ANKRD42: variants seen among roughly 807,000 people sequenced by gnomAD.
ANKRD42 encodes ankyrin repeat domain-containing protein 42.
In ANKRD42, 43 loss-of-function variants were observed where a neutral mutation model predicts 51.5. The ratio of observed to expected loss-of-function variants is 0.83; its 90% CI spans 0.65 to 1.08. ANKRD42 has a LOEUF of 1.08. Ranked by LOEUF, ANKRD42 falls within the 50% of genes least tolerant of loss-of-function variation. The probability of loss-of-function intolerance (pLI) is 0.00; values close to 1 mark genes in which losing one functional copy is unlikely to be tolerated. For synonymous variants in ANKRD42, 203 were observed against 213.0 expected (o/e 0.95, Z 0.41); for missense variants, 608 against 629.3 (o/e 0.97, Z 0.36).
At chr11:83,240,730 T>A in intron 8 of ANKRD42, 29 bp from the exon 9 acceptor site, 1 of 1,611,472 alleles carries the variant, frequency 6.2e-7, no homozygotes, top group Non-Finnish European at 8.5e-7. Context: ...AGATTGTGGA[T>A]CTGGTTAGTT....
chr11:83,198,768 T>A, intron 2 of ANKRD42, 126 bp downstream of exon 2: 1 of 865,448 alleles, frequency 1.2e-6, no homozygotes, highest in Non-Finnish European at 1.6e-6. Context: ...CATAGTCAGT[T>A]TAATATTTGG....
At chr11:83,243,997 A>G (rs113794771) in intron 9 of ANKRD42, among the ~76,000 whole-genome samples, 20,927 of 52,100 alleles carry the variant, frequency 0.4, 3,145 homozygotes, top group Middle Eastern at 0.44. Flanking sequence ...TTTTTTTTTT[A>G]TTGAGACAAA....
chr11:83,253,839 T>C (rs1283339237), downstream of ANKRD42, among the ~76,000 whole-genome samples: 3 of 152,250 alleles, frequency 2.0e-5, no homozygotes, highest in Non-Finnish European at 4.4e-5. Context: ...GCACATATTT[T>C]CTTTTGAAGT....
At chr11:83,263,821 T>A (rs1195546331), downstream of ANKRD42, among the ~76,000 whole-genome samples, 1 of 152,194 alleles carries the variant, frequency 6.6e-6, no homozygotes, top group Non-Finnish European at 1.5e-5. Flanking sequence ...AAAGAGTAAG[T>A]TCTGATTCCA....
intron 7 of ANKRD42, among the ~76,000 whole-genome samples, chr11:83,231,736 G>A (rs977996035): frequency 6.6e-6 from 1 of 152,202 alleles, no homozygotes; most frequent in African/African-American, 2.4e-5. Context: ...TGTATATGGT[G>A]AGAGATAGGG....
At chr11:83,241,143 G>T (rs573666572) in intron 9 of ANKRD42, among the ~76,000 whole-genome samples, 2 of 152,312 alleles carry the variant, frequency 1.3e-5, no homozygotes, top group East Asian at 3.9e-4. Flanking sequence ...CCCTCAGGGG[G>T]TGGAAAGTTA....
chr11:83,239,488 A>C (rs1863324030), intron 8 of ANKRD42, among the ~76,000 whole-genome samples: 4 of 152,156 alleles, frequency 2.6e-5, no homozygotes, highest in African/African-American at 9.6e-5. Context: ...AAGTCATAAA[A>C]ATTTTCTTTT....
downstream of ANKRD42, among the ~76,000 whole-genome samples, chr11:83,249,861 T>C (rs1406449318): frequency 6.6e-6 from 1 of 152,232 alleles, no homozygotes; most frequent in Non-Finnish European, 1.5e-5. Context: ...TGAGGAATAA[T>C]AATACCTACC....
intron 11 of ANKRD42, among the ~76,000 whole-genome samples, chr11:83,254,801 A>G (rs1361535631): frequency 6.6e-6 from 1 of 152,180 alleles, no homozygotes; most frequent in East Asian, 1.9e-4. Flanking sequence ...ATCATATGCT[A>G]AGTCCCAATC....
intron 7 of ANKRD42, among the ~76,000 whole-genome samples, chr11:83,229,681 A>G (rs1004090860): frequency 2.0e-5 from 3 of 152,184 alleles, no homozygotes; most frequent in Non-Finnish European, 4.4e-5. Context: ...GAAGTTGGGA[A>G]GGTGAAAGTG....
intron 5 of ANKRD42, among the ~76,000 whole-genome samples, chr11:83,220,469 A>G (rs984553691): frequency 9.9e-5 from 15 of 152,134 alleles, no homozygotes; most frequent in Non-Finnish European, 1.8e-4. Context: ...TGTAATGCCT[A>G]AGGTTCTTAC....
At chr11:83,244,345 A>G (rs976225512) in intron 9 of ANKRD42, among the ~76,000 whole-genome samples, 1 of 152,164 alleles carries the variant, frequency 6.6e-6, no homozygotes, top group Non-Finnish European at 1.5e-5. Flanking sequence ...AAGCACATAC[A>G]TTTTTAAAAA....
At chr11:83,206,974 A>G (rs557185216) in intron 3 of ANKRD42, among the ~76,000 whole-genome samples, 1 of 152,314 alleles carries the variant, frequency 6.6e-6, no homozygotes, top group African/African-American at 2.4e-5. Flanking sequence ...CCATTCTCAC[A>G]CTACTATGAA....
At chr11:83,204,170 T>C (rs894177253) in intron 2 of ANKRD42, among the ~76,000 whole-genome samples, 2 of 152,178 alleles carry the variant, frequency 1.3e-5, no homozygotes, top group South Asian at 2.1e-4. Context: ...CTTGAATTCC[T>C]GACTTTAAAT....
intron 1 of ANKRD42, among the ~76,000 whole-genome samples, chr11:83,197,684 C>T (rs1174135928): frequency 6.6e-6 from 1 of 152,182 alleles, no homozygotes; most frequent in Non-Finnish European, 1.5e-5. Context: ...TAATAGTTAT[C>T]TGTTCGTGCT....
chr11:83,221,729 A>T (rs745827220), intron 5 of ANKRD42, among the ~76,000 whole-genome samples: 3 of 152,194 alleles, frequency 2.0e-5, no homozygotes, highest in Non-Finnish European at 2.9e-5. Context: ...GCTTGCTAGC[A>T]GTTTGTGCCC....
At position 83,198,572 on chromosome 11, in the gene ANKRD42, G is replaced by C. The variant is rs1861750729; in HGVS notation, c.152G>C (p.Ser51Thr). 1 of 1,613,534 alleles carries C rather than the reference G, an allele frequency of 6.2e-7. No individual in the cohort carries two copies. The highest frequency in any genetic ancestry group is 1.1e-5 in the South Asian group (1 of 91,010). Residue 51 changes from serine to threonine, a missense_variant, in exon 2 of 11, where the codon AGC (serine) becomes ACC (threonine). Physicochemically the swap from Ser to Thr is moderately conservative, Grantham distance 58. Transcript: ENST00000533342. ...TCAGAAATAGTGGTACGTGGAGCCA[G>C]CATTAATGAACTTGATGTTCTCCAT... Reference protein sequence around the residue: ...QLSEIVVRGASINELDVLHKF... With the variant: ...QLSEIVVRGATINELDVLHKF...
Position 83,198,651 on chromosome 11 carries a change from C to A in ANKRD42, c.222+9C>A. On this transcript the variant is annotated intron_variant, in intron 2 of 10. Coordinates refer to ENST00000533342, the MANE Select transcript of ANKRD42 (RefSeq NM_001300975.2). ...ATTCTGGAAGTTTGGAGGTAAGAAACTATACATATCACTAAACTGAGGTAA... is the reference window on the plus strand; with the variant it reads ...ATTCTGGAAGTTTGGAGGTAAGAAAATATACATATCACTAAACTGAGGTAA... The A allele has an allele frequency of 6.4e-7, 1 of 1,566,008 alleles. No individual in the cohort carries two copies. The highest frequency in any genetic ancestry group is 1.2e-5 in the South Asian group (1 of 85,254).
chr11:83,250,380 C>T (rs752822769), downstream of ANKRD42, among the ~76,000 whole-genome samples: 12 of 152,094 alleles, frequency 7.9e-5, no homozygotes, highest in Non-Finnish European at 1.5e-4. Flanking sequence ...GATATTATCT[C>T]ATTTTAGTCT....
Sources: allele counts gnomAD v4.1 joint callset (sites outside exome capture counted in the v4.1 genomes callset), GRCh38; gene constraint gnomAD v4.1.1; transcripts MANE v1.5; gene names NCBI Gene and HGNC (gene_info 2026-07-23, HGNC 2026-07-21).